Variants in AFG2A observed in about 807,000 individuals in gnomAD.
The protein encoded by AFG2A is AAA ATPase AFG2A, also known as ATPase family gene 2 protein homolog A.
the AFG2A span, among the ~76,000 whole-genome samples, chr4:123,071,810 G>A: frequency 6.6e-6 from 1 of 152,068 alleles, no homozygotes; most frequent in South Asian, 2.1e-4. Context: ...TATCATGTAG[G>A]TGATAAGCTA....
At chr4:122,933,413 TC>T in the AFG2A span, 3 of 1,597,192 alleles carry the variant, frequency 1.9e-6, no homozygotes, top group South Asian at 3.3e-5. Flanking sequence ...AATGCTGATT[TC>T]TGTTCCCTTC....
chr4:123,170,387 G>A, the AFG2A span, among the ~76,000 whole-genome samples: 69 of 152,022 alleles, frequency 4.5e-4, no homozygotes, highest in Admixed American at 6.6e-4. Flanking sequence ...TACCCCTATC[G>A]TCATTGCCTG....
At chr4:123,136,686 A>T in the AFG2A span, among the ~76,000 whole-genome samples, 121 of 149,470 alleles carry the variant, frequency 8.1e-4, 1 homozygote, top group African/African-American at 2.9e-3. Context: ...AAAAAAAAAA[A>T]TATATATTAG....
chr4:123,149,795 T>C, the AFG2A span, among the ~76,000 whole-genome samples: 4 of 119,340 alleles, frequency 3.4e-5, no homozygotes, highest in Non-Finnish European at 5.5e-5. Flanking sequence ...TTTTAGGAAA[T>C]AGCTTTTTTT....
At chr4:123,147,471 T>A in the AFG2A span, among the ~76,000 whole-genome samples, 1 of 152,138 alleles carries the variant, frequency 6.6e-6, no homozygotes, top group East Asian at 1.9e-4. Context: ...ACCATTTGCC[T>A]TTTTCATTCT....
chr4:122,959,264 G>T, the AFG2A span, among the ~76,000 whole-genome samples: 1 of 152,174 alleles, frequency 6.6e-6, no homozygotes, highest in African/African-American at 2.4e-5. Flanking sequence ...CCTCCCAGAA[G>T]TTTTTTGTGA....
chr4:122,941,611 T>C, the AFG2A span, among the ~76,000 whole-genome samples: 3 of 152,236 alleles, frequency 2.0e-5, no homozygotes. Flanking sequence ...TTTTCCTAAC[T>C]GAATACCCTT....
the AFG2A span, among the ~76,000 whole-genome samples, chr4:123,034,941 G>A: frequency 6.6e-6 from 1 of 152,184 alleles, no homozygotes; most frequent in Admixed American, 6.5e-5. Flanking sequence ...GAGTCATGAA[G>A]AAGATTGTGG....
the AFG2A span, among the ~76,000 whole-genome samples, chr4:123,141,497 G>A: frequency 6.6e-6 from 1 of 152,206 alleles, no homozygotes; most frequent in South Asian, 2.1e-4. Flanking sequence ...CAAAAAAACA[G>A]TGTTACTCTA....
chr4:123,028,943 C>A, the AFG2A span, among the ~76,000 whole-genome samples: 1 of 152,202 alleles, frequency 6.6e-6, no homozygotes, highest in Non-Finnish European at 1.5e-5. Context: ...TAGTTGTACA[C>A]TTACTTTAGG....
chr4:122,923,096 A>G, the AFG2A span: 7 of 1,609,772 alleles, frequency 4.3e-6, no homozygotes, highest in Non-Finnish European at 5.9e-6. Flanking sequence ...TGAAGCGCGC[A>G]CATTGAGTCG....
chr4:123,055,338 A>C, the AFG2A span, among the ~76,000 whole-genome samples: 1 of 152,118 alleles, frequency 6.6e-6, no homozygotes, highest in Non-Finnish European at 1.5e-5. Flanking sequence ...CTAACCTGAA[A>C]TGTTACTTTC....
At chr4:123,243,115 G>A in the AFG2A span, among the ~76,000 whole-genome samples, 1 of 152,346 alleles carries the variant, frequency 6.6e-6, no homozygotes, top group East Asian at 1.9e-4. Flanking sequence ...TGGAGAGGAT[G>A]TGGAGAAGTA....
the AFG2A span, among the ~76,000 whole-genome samples, chr4:123,160,684 A>G: frequency 6.6e-6 from 1 of 152,110 alleles, no homozygotes; most frequent in African/African-American, 2.4e-5. Context: ...GGCTCTATGC[A>G]TAGAGCAGTT....
chr4:123,101,957 G>A, the AFG2A span, among the ~76,000 whole-genome samples: 1 of 151,880 alleles, frequency 6.6e-6, no homozygotes, highest in Non-Finnish European at 1.5e-5. Context: ...GTTATTAACA[G>A]ACTGTGTATT....
At chr4:123,009,747 C>T in the AFG2A span, among the ~76,000 whole-genome samples, 5 of 152,136 alleles carry the variant, frequency 3.3e-5, no homozygotes, top group East Asian at 1.9e-4. Flanking sequence ...CTGGGATTGA[C>T]GGTTTTGGGA....
the AFG2A span, among the ~76,000 whole-genome samples, chr4:123,306,072 G>T: frequency 6.6e-6 from 1 of 152,164 alleles, no homozygotes; most frequent in East Asian, 1.9e-4. Flanking sequence ...TTGTTATAAA[G>T]GAACTGCTTT....
At chr4:123,000,437 G>C in the AFG2A span, among the ~76,000 whole-genome samples, 5 of 151,862 alleles carry the variant, frequency 3.3e-5, no homozygotes, top group African/African-American at 1.2e-4. Flanking sequence ...TACTGGCTGT[G>C]GGTTTGTCAT....
chr4:122,951,997 G>A, the AFG2A span, among the ~76,000 whole-genome samples: 2 of 152,292 alleles, frequency 1.3e-5, no homozygotes, highest in East Asian at 1.9e-4. Flanking sequence ...AGGTATGTAA[G>A]CCATTTGGCC....
Sources: gnomAD v4.1 joint callset for allele counts (sites outside exome capture counted in the v4.1 genomes callset) on GRCh38, gnomAD v4.1.1 for gene constraint, MANE v1.5 for transcripts, NCBI Gene and HGNC (gene_info 2026-07-23, HGNC 2026-07-21) for gene names.